Variants in RBM20 observed in about 807,000 individuals in gnomAD.
RBM20 encodes the protein RNA-binding protein 20.
A neutral mutation model predicts 110.1 loss-of-function variants in RBM20; 51 were observed. The ratio of observed to expected loss-of-function variants is 0.46; its 90% CI spans 0.37 to 0.59. RBM20 has a LOEUF of 0.59. RBM20 is among the 20% of genes least tolerant of loss of function. RBM20 has a pLI of 0.00. For synonymous variants in RBM20, 589 were observed against 618.2 expected (o/e 0.95, Z 0.70); for missense variants, 1,512 against 1,574.9 (o/e 0.96, Z 0.68).
At chr10:110,696,857 T>C (rs1448449371) in intron 1 of RBM20, among the ~76,000 whole-genome samples, 1 of 152,214 alleles carries the variant, frequency 6.6e-6, no homozygotes, top group Non-Finnish European at 1.5e-5. Context: ...CTCTTACTTT[T>C]ACAGCTTGAT....
intron 1 of RBM20, among the ~76,000 whole-genome samples, chr10:110,735,661 A>G (rs1032200919): frequency 1.3e-5 from 2 of 152,164 alleles, no homozygotes; most frequent in Admixed American, 1.3e-4. Context: ...TTGCTGGGTG[A>G]AAGGTATATT....
At chr10:110,657,042 A>G (rs147043010) in intron 1 of RBM20, among the ~76,000 whole-genome samples, 5,340 of 149,014 alleles carry the variant, frequency 0.036, 281 homozygotes, top group African/African-American at 0.12. Context: ...TTTGAGATGG[A>G]ATCTTGCTCT....
At position 110,702,119 on chromosome 10, in the gene RBM20, T is replaced by A. The variant is rs575460381; in HGVS notation, c.191+57474T>A. Among the ~76,000 whole-genome samples the A allele has an allele frequency of 5.8e-5, 6 of 103,662 alleles. No homozygotes were observed. In the South Asian group the frequency reaches 2.2e-3, roughly 39 times the overall value. The allele number at this position is 103,662 out of a possible 152,430, so 68.0% of individuals were successfully genotyped here. ...TGTGCTCCCCAATGTGCCCACCTCT[T>A]CTTTCTGTTTTCCAGCCTCTGCTGG... On this transcript the variant is annotated intron_variant, in intron 1 of 13. Transcript: ENST00000369519.
intron 11 of RBM20, 38 bp downstream of exon 11, chr10:110,821,973 A>G (rs1211101437): frequency 6.5e-7 from 1 of 1,531,862 alleles, no homozygotes; most frequent in Non-Finnish European, 8.9e-7. Flanking sequence ...GGTCGGGTTG[A>G]TTGGACTCCT....
intron 1 of RBM20, among the ~76,000 whole-genome samples, chr10:110,730,544 G>C (rs116271812): frequency 3.3e-5 from 5 of 152,226 alleles, no homozygotes; most frequent in Non-Finnish European, 7.3e-5. Flanking sequence ...TGGGGTTCTC[G>C]TCCTGGCTGT....
upstream of RBM20, among the ~76,000 whole-genome samples, chr10:110,643,720 G>T (rs924147853): frequency 1.3e-5 from 2 of 152,226 alleles, no homozygotes; most frequent in African/African-American, 4.8e-5. Flanking sequence ...AGCTGGAACT[G>T]ACAATTTGGA....
rs61281177 is a variant in RBM20, at chr10:110,801,700, C to CTTTT, written c.1800+1798_1800+1801dup. Among the ~76,000 whole-genome samples, 137 of 116,724 alleles carry CTTTT rather than the reference C, an allele frequency of 1.2e-3. 3 individuals are homozygous for CTTTT. Among genetic ancestry groups the CTTTT allele is most frequent in the African/African-American group, 3.0e-3 (89 of 29,572 alleles). 76.6% of individuals were successfully genotyped at this position (116,724 alleles called of 152,430 possible). ...AGGCACACACCACCATGCCTGGCTA[C>CTTTT]TTTTTTTTTTTTTTTTTTTGTATTT... On this transcript the variant is annotated intron_variant, in intron 7 of 13. Transcript: ENST00000369519.
At chr10:110,725,799 A>G (rs1843553905) in intron 1 of RBM20, among the ~76,000 whole-genome samples, 1 of 152,236 alleles carries the variant, frequency 6.6e-6, no homozygotes, top group African/African-American at 2.4e-5. Context: ...TGTATGGCAT[A>G]TAGCTGGGGT....
chr10:110,718,710 C>T (rs1374223746), intron 1 of RBM20, among the ~76,000 whole-genome samples: 1 of 148,680 alleles, frequency 6.7e-6, no homozygotes, highest in East Asian at 2.0e-4. Context: ...CTCCGAGGTT[C>T]AAGCTATTCT....
intron 12 of RBM20, among the ~76,000 whole-genome samples, chr10:110,825,306 C>T (rs1487530101): frequency 1.3e-5 from 2 of 152,178 alleles, no homozygotes; most frequent in Non-Finnish European, 2.9e-5. Flanking sequence ...AGTCTCTTGT[C>T]ATCCAAGAAC....
At chr10:110,675,716 G>A (rs900413254) in intron 1 of RBM20, among the ~76,000 whole-genome samples, 12 of 152,164 alleles carry the variant, frequency 7.9e-5, no homozygotes, top group African/African-American at 2.2e-4. Context: ...CGCCTTTCAA[G>A]TCAGACAGAC....
intron 12 of RBM20, among the ~76,000 whole-genome samples, chr10:110,825,574 T>C (rs890168156): frequency 3.3e-5 from 5 of 152,240 alleles, no homozygotes; most frequent in African/African-American, 9.6e-5. Flanking sequence ...CACATAATGT[T>C]CTGCAAGTTC....
Position 110,836,650 on chromosome 10 carries a change from G to A in RBM20, c.*672G>A, listed in dbSNP as rs923692484. On this transcript the variant is annotated 3_prime_UTR_variant, in exon 14 of 14. Transcript: ENST00000369519. ...ATCCTCTCAGTTATTCTAGAAATCT[G>A]CCAGACTTATGCCTTAAAGTAAAAT... 1.3e-5 allele frequency: 2 copies of A among 152,040 alleles called. No homozygotes were observed. The highest frequency in any genetic ancestry group is 3.9e-4 in the East Asian group (2 of 5,194). The allele number at this position is 152,040 out of a possible 1,614,324, so 9.4% of individuals were successfully genotyped here. A position where few individuals can be genotyped will look rare whatever the true frequency, so the allele number is the denominator to read the frequency against.
At chr10:110,763,751 CTTTTT>C (rs56845100) in intron 1 of RBM20, among the ~76,000 whole-genome samples, 2 of 64,384 alleles carry the variant, frequency 3.1e-5, no homozygotes, top group Non-Finnish European at 5.7e-5. Flanking sequence ...GGCTTCTTGG[CTTTTT>C]TTTTTTTTTT....
intron 5 of RBM20, among the ~76,000 whole-genome samples, chr10:110,790,620 T>G (rs551304404): frequency 6.6e-6 from 1 of 152,340 alleles, no homozygotes; most frequent in East Asian, 1.9e-4. Context: ...AGTAATTTTT[T>G]GGGCACAAAC....
rs1399238501 is a variant in RBM20, at chr10:110,669,026, T to A, written c.191+24381T>A. ...TTGTTAAAGTTGTGTCATTTCTCTTTGCATGTTTACATGTATGTGTATTTA... is the reference window on the plus strand; with the variant it reads ...TTGTTAAAGTTGTGTCATTTCTCTTAGCATGTTTACATGTATGTGTATTTA... On this transcript the variant is annotated intron_variant, in intron 1 of 13. Coordinates refer to ENST00000369519, the MANE Select transcript of RBM20 (RefSeq NM_001134363.3). 3.3e-5 allele frequency among the ~76,000 whole-genome samples: 5 copies of A among 152,362 alleles called. 1 individual carries two copies. In the South Asian group the frequency reaches 1.0e-3, roughly 32 times the overall value.
Position 110,801,792 on chromosome 10 carries a change from G to T in RBM20, c.1800+1874G>T, listed in dbSNP as rs545539682. Among the ~76,000 whole-genome samples, 20 of 146,552 alleles carry T rather than the reference G, an allele frequency of 1.4e-4. No homozygotes were observed. In the East Asian group the frequency reaches 2.5e-3, roughly 18 times the overall value. ...AATATCCTGACCTTATGATCTGCCCGCCTCAGCCTCCCAAAGTGCTGGGAT... is the reference window on the plus strand; with the variant it reads ...AATATCCTGACCTTATGATCTGCCCTCCTCAGCCTCCCAAAGTGCTGGGAT... On this transcript the variant is annotated intron_variant, in intron 7 of 13. Coordinates refer to ENST00000369519, the MANE Select transcript of RBM20 (RefSeq NM_001134363.3).
chr10:110,726,423 C>T (rs886925940), intron 1 of RBM20, among the ~76,000 whole-genome samples: 3 of 152,214 alleles, frequency 2.0e-5, no homozygotes, highest in African/African-American at 7.2e-5. Context: ...TTGCCTGTCA[C>T]TCTCAGGGTA....
At chr10:110,829,124 C>G (rs1212301231) in intron 12 of RBM20, among the ~76,000 whole-genome samples, 1 of 152,210 alleles carries the variant, frequency 6.6e-6, no homozygotes, top group Non-Finnish European at 1.5e-5. Context: ...GAGTGTGGCT[C>G]TGATCAAAGC....
Sources: gnomAD v4.1 joint callset for allele counts (sites outside exome capture counted in the v4.1 genomes callset) on GRCh38, gnomAD v4.1.1 for gene constraint, MANE v1.5 for transcripts, NCBI Gene and HGNC (gene_info 2026-07-23, HGNC 2026-07-21) for gene names.